ACAP2: variants seen among roughly 807,000 people sequenced by gnomAD.
The protein encoded by ACAP2 is arf-GAP with coiled-coil, ANK repeat and PH domain-containing protein 2.
A neutral mutation model predicts 115.8 loss-of-function variants in ACAP2; 39 were observed. The ratio of observed to expected loss-of-function variants is 0.34; its 90% CI spans 0.26 to 0.44. ACAP2 has a LOEUF of 0.44. ACAP2 is among the 20% of genes least tolerant of loss of function. The pLI is 1.00. For missense variants in ACAP2, 662 were observed against 927.6 expected (o/e 0.71, Z 3.72); for synonymous variants, 289 against 315.8 (o/e 0.92, Z 0.90).
intron 1 of ACAP2, among the ~76,000 whole-genome samples, chr3:195,421,435 C>T (rs1055310931): frequency 6.6e-6 from 1 of 152,214 alleles, no homozygotes; most frequent in Non-Finnish European, 1.5e-5. Context: ...TCAAACTCTA[C>T]CTTCATAACA....
At chr3:195,362,814 A>C (rs754438632) in intron 4 of ACAP2, among the ~76,000 whole-genome samples, 3 of 152,222 alleles carry the variant, frequency 2.0e-5, no homozygotes, top group Non-Finnish European at 4.4e-5. Flanking sequence ...ACCTCAACAT[A>C]ATAAAGCCCA....
intron 1 of ACAP2, among the ~76,000 whole-genome samples, chr3:195,409,412 T>C (rs909529607): frequency 1.3e-5 from 2 of 151,508 alleles, no homozygotes; most frequent in Non-Finnish European, 1.5e-5. Flanking sequence ...CAATAGAAAC[T>C]ATAAGGCATT....
At chr3:195,400,845 G>C (rs1712225130) in intron 1 of ACAP2, among the ~76,000 whole-genome samples, 1 of 152,122 alleles carries the variant, frequency 6.6e-6, no homozygotes, top group Admixed American at 6.6e-5. Flanking sequence ...CTCAATGAGA[G>C]AACAAAGCAA....
intron 4 of ACAP2, among the ~76,000 whole-genome samples, chr3:195,368,418 G>C (rs1469118576): frequency 6.6e-6 from 1 of 152,126 alleles, no homozygotes; most frequent in African/African-American, 2.4e-5. Flanking sequence ...CCATAGTGCT[G>C]GGATGACAGG....
chr3:195,345,200 A>G, intron 5 of ACAP2, 59 bp downstream of exon 5: 2 of 1,161,076 alleles, frequency 1.7e-6, no homozygotes, highest in Non-Finnish European at 2.6e-6. Context: ...AAAGATACGA[A>G]TTCTCAGATT....
intron 9 of ACAP2, 105 bp from the exon 10 acceptor site, chr3:195,320,918 A>G (rs1729406718): frequency 1.5e-6 from 1 of 658,532 alleles, no homozygotes; most frequent in East Asian, 2.7e-5. Context: ...GGTTTATATT[A>G]AGACAGTTAC....
At chr3:195,331,817 AT>A (rs1167311618) in intron 8 of ACAP2, among the ~76,000 whole-genome samples, 3 of 152,118 alleles carry the variant, frequency 2.0e-5, no homozygotes, top group Admixed American at 2.0e-4. Flanking sequence ...TACATATAAA[AT>A]TTGTATGTAT....
chr3:195,386,185 G>T (rs992707519), intron 2 of ACAP2, among the ~76,000 whole-genome samples: 3 of 152,144 alleles, frequency 2.0e-5, no homozygotes, highest in Non-Finnish European at 2.9e-5. Flanking sequence ...TTCAGAATAG[G>T]CAAATCCAGG....
intron 4 of ACAP2, among the ~76,000 whole-genome samples, chr3:195,371,491 C>T (rs555928988): frequency 1.1e-3 from 163 of 152,256 alleles, no homozygotes; most frequent in African/African-American, 3.0e-3. Context: ...AGCATCAAGT[C>T]ATCTGCAAAC....
At chr3:195,389,946 G>A (rs755085649) in intron 2 of ACAP2, among the ~76,000 whole-genome samples, 25 of 152,110 alleles carry the variant, frequency 1.6e-4, no homozygotes, top group Non-Finnish European at 2.4e-4. Context: ...CTGTAATCCC[G>A]GCACTTTGGG....
At chr3:195,342,679 A>C (rs1730955299) in intron 5 of ACAP2, 25 bp from the exon 6 acceptor site, 1 of 1,557,370 alleles carries the variant, frequency 6.4e-7, no homozygotes, top group African/African-American at 1.4e-5. Context: ...ACTTAGTGAA[A>C]CTTTTATAAC....
chr3:195,288,432 T>C (rs1394534725), intron 21 of ACAP2, among the ~76,000 whole-genome samples: 1 of 152,176 alleles, frequency 6.6e-6, no homozygotes, highest in Non-Finnish European at 1.5e-5. Context: ...GTTCACACAA[T>C]GCACAATGCT....
chr3:195,370,922 A>C (rs1304302464), intron 4 of ACAP2, among the ~76,000 whole-genome samples: 1 of 149,506 alleles, frequency 6.7e-6, no homozygotes, highest in Non-Finnish European at 1.5e-5. Flanking sequence ...ATTGCACTCC[A>C]GTCTGGGCAG....
intron 1 of ACAP2, among the ~76,000 whole-genome samples, chr3:195,435,848 G>T (rs1242106293): frequency 1.3e-5 from 2 of 152,096 alleles, no homozygotes; most frequent in African/African-American, 4.8e-5. Context: ...GTGTTCTATA[G>T]ATAACTAGTA....
intron 1 of ACAP2, among the ~76,000 whole-genome samples, chr3:195,397,123 GTTGTATTCTTTTGTT>G (rs1266775682): frequency 6.6e-6 from 1 of 152,122 alleles, no homozygotes; most frequent in African/African-American, 2.4e-5. Flanking sequence ...TTTTGAAACT[GTTGTATTCTTTTGTT>G]TTATATAATA....
chr3:195,349,848 C>T, intron 4 of ACAP2: 1 of 350,832 alleles, frequency 2.9e-6, no homozygotes, highest in South Asian at 2.4e-5. Flanking sequence ...TGCGCATTGA[C>T]ACCAGGCAAA....
At chr3:195,358,772 A>G (rs1732155737) in intron 4 of ACAP2, among the ~76,000 whole-genome samples, 1 of 152,172 alleles carries the variant, frequency 6.6e-6, no homozygotes, top group African/African-American at 2.4e-5. Flanking sequence ...GAGAAATAGA[A>G]AGTTTATTCG....
intron 4 of ACAP2, among the ~76,000 whole-genome samples, chr3:195,355,275 T>TTTC (rs1248889332): frequency 1.1e-5 from 1 of 92,176 alleles, no homozygotes; most frequent in African/African-American, 4.3e-5. Context: ...TTCTTTTCTT[T>TTTC]TTCTTCTTTT....
chr3:195,420,689 C>G (rs1314321989), intron 1 of ACAP2, among the ~76,000 whole-genome samples: 1 of 151,916 alleles, frequency 6.6e-6, no homozygotes, highest in Non-Finnish European at 1.5e-5. Flanking sequence ...TCTGTCTGGG[C>G]TGGAGTGCAG....
Sources: gnomAD v4.1 joint callset for allele counts (sites outside exome capture counted in the v4.1 genomes callset) on GRCh38, gnomAD v4.1.1 for gene constraint, MANE v1.5 for transcripts, NCBI Gene and HGNC (gene_info 2026-07-23, HGNC 2026-07-21) for gene names.